TET3: variants seen among roughly 807,000 people sequenced by gnomAD.
The protein encoded by TET3 is tet methylcytosine dioxygenase 3.
A neutral mutation model predicts 141.4 loss-of-function variants in TET3; 19 were observed. The observed-to-expected ratio is 0.13, with a 90% CI of 0.09 to 0.20. The LOEUF is 0.20. Ranked by LOEUF, TET3 falls within the 10% of genes least tolerant of loss-of-function variation. The pLI is 1.00. For synonymous variants in TET3, 1,043 were observed against 980.9 expected (o/e 1.06, Z -1.18); for missense variants, 1,874 against 2,356.9 (o/e 0.80, Z 4.24).
chr2:73,983,993 GAGAACGGGC>G, upstream of TET3, among the ~76,000 whole-genome samples: 1 of 152,268 alleles, frequency 6.6e-6, no homozygotes, highest in Non-Finnish European at 1.5e-5. Context: ...AAGCAGCAGA[GAGAACGGGC>G]AGTTTGGCAA....
chr2:74,061,017 A>G (rs1021556750), intron 4 of TET3, among the ~76,000 whole-genome samples: 4 of 151,902 alleles, frequency 2.6e-5, no homozygotes, highest in Non-Finnish European at 5.9e-5. Context: ...CCCGTTCTCA[A>G]TGAGCTGTTG....
At chr2:74,040,899 A>G (rs959679558) in intron 3 of TET3, among the ~76,000 whole-genome samples, 5 of 152,088 alleles carry the variant, frequency 3.3e-5, no homozygotes, top group African/African-American at 1.2e-4. Context: ...CCCTGTCTCA[A>G]AAAAAGGAGC....
chr2:74,101,505 A>T lies in TET3; in HGVS notation c.4717A>T (p.Ser1573Cys), dbSNP rs778482892. 1.2e-5 allele frequency: 19 copies of T among 1,612,814 alleles called. No individual in the cohort carries two copies. In the African/African-American group the frequency reaches 2.5e-4, roughly 22 times the overall value. The change falls in exon 12 of 12, where the codon AGC becomes TGC. Residue 1573 changes from serine to cysteine, a missense_variant. By Grantham distance (112) the Ser-to-Cys change is moderately radical. Around this residue, in one of 10 missense-constraint regions of TET3, gnomAD observed 602 missense variants for 590.2 expected, o/e 1.02. Coordinates refer to ENST00000409262, the MANE Select transcript of TET3 (RefSeq NM_001287491.2). This position sits in a 1 kb window ranked among gnomAD's most constrained non-coding sequence, Gnocchi z 8.5. Reference sequence around the variant, plus strand: ...GGGCAGGATTCCAGCCGCAGGGGCCAGCCAGCTGGACAGGGCCTGGCAGTC... The same window carrying T: ...GGGCAGGATTCCAGCCGCAGGGGCCTGCCAGCTGGACAGGGCCTGGCAGTC... ...EEGRIPAAGA[S>C]QLDRAWQSFG...
Position 74,101,612 on chromosome 2 carries a change from G to A in TET3, c.4824G>A (p.Leu1608=). 2 of 1,612,576 alleles carry A rather than the reference G, an allele frequency of 1.2e-6. No individual in the cohort carries two copies. Among genetic ancestry groups the A allele is most frequent in the Middle Eastern group, 1.7e-4 (1 of 6,034 alleles). Residue 1608 remains leucine, a synonymous_variant, in exon 12 of 12, where the codon CTG becomes CTA. Coordinates refer to ENST00000409262, the MANE Select transcript of TET3 (RefSeq NM_001287491.2). The surrounding 1 kb of genome is among the most constrained non-coding windows in gnomAD (Gnocchi z 8.5). Reference sequence around the variant, plus strand: ...AGAAGCTGTGGGACCCCTTCAGCCTGGAGGAGGGGCCGGCTGAGGAGCCCC... The same window carrying A: ...AGAAGCTGTGGGACCCCTTCAGCCTAGAGGAGGGGCCGGCTGAGGAGCCCC... ...SEEKLWDPFS[L]EEGPAEEPPS... is the part of the protein sequence containing the mutation.
At chr2:73,984,161 T>C (rs1269334976), upstream of TET3, among the ~76,000 whole-genome samples, 1 of 152,198 alleles carries the variant, frequency 6.6e-6, no homozygotes, top group East Asian at 1.9e-4. This position sits in a 1 kb window ranked among gnomAD's most constrained non-coding sequence, Gnocchi z 5.6. Flanking sequence ...GCTGTCCTCC[T>C]CAGTTACCCT....
At chr2:74,020,079 T>C (rs1685954413) in intron 3 of TET3, among the ~76,000 whole-genome samples, 1 of 152,204 alleles carries the variant, frequency 6.6e-6, no homozygotes, top group Non-Finnish European at 1.5e-5. Context: ...GTAGTGCCTT[T>C]CTTTTTTCTT....
At chr2:74,084,745 A>G (rs1402429471) in intron 6 of TET3, among the ~76,000 whole-genome samples, 3 of 152,002 alleles carry the variant, frequency 2.0e-5, no homozygotes, top group East Asian at 1.9e-4. Context: ...GAGCTAACGC[A>G]CCCAGCCCAG....
chr2:73,992,573 G>T (rs1005028365), intron 2 of TET3, among the ~76,000 whole-genome samples: 3 of 152,000 alleles, frequency 2.0e-5, no homozygotes, highest in African/African-American at 7.2e-5. Flanking sequence ...CTTGGCCTCC[G>T]AAAGTGCTGG....
chr2:74,035,217 A>G (rs1366572507), intron 3 of TET3, among the ~76,000 whole-genome samples: 1 of 148,014 alleles, frequency 6.8e-6, no homozygotes, highest in African/African-American at 2.5e-5. Flanking sequence ...AAAAAAAAAA[A>G]AAAAGTTATT....
chr2:74,080,148 A>G (rs1349190595), intron 5 of TET3, among the ~76,000 whole-genome samples: 1 of 152,228 alleles, frequency 6.6e-6, no homozygotes, highest in Non-Finnish European at 1.5e-5. Flanking sequence ...GACTCAGCTA[A>G]CAGGGCTGGA....
At chr2:74,127,529 T>A in the TET3 span, among the ~76,000 whole-genome samples, 1 of 152,132 alleles carries the variant, frequency 6.6e-6, no homozygotes, top group Non-Finnish European at 1.5e-5. Flanking sequence ...ACCAAACGAA[T>A]TGGAGACAGA....
intron 4 of TET3, among the ~76,000 whole-genome samples, chr2:74,068,712 C>T (rs905544146): frequency 2.0e-5 from 3 of 152,312 alleles, no homozygotes; most frequent in East Asian, 1.9e-4. Context: ...ATTCTTTATA[C>T]TGCCTGTATC....
chr2:74,068,635 T>A lies in TET3; in HGVS notation c.2495-4914T>A, dbSNP rs138702497. On this transcript the variant is annotated intron_variant, in intron 4 of 11. Coordinates refer to ENST00000409262, the MANE Select transcript of TET3 (RefSeq NM_001287491.2). ...CCTAGAAATAAATTTTTTGAGGAATTTGAAATTCTTTGAAATTGCTAATTC... is the reference window on the plus strand; with the variant it reads ...CCTAGAAATAAATTTTTTGAGGAATATGAAATTCTTTGAAATTGCTAATTC... 9.8e-4 allele frequency among the ~76,000 whole-genome samples: 150 copies of A among 152,388 alleles called. 2 individuals are homozygous for A. In the East Asian group the frequency reaches 0.026, roughly 27 times the overall value.
At chr2:74,024,351 G>A (rs908533573) in intron 3 of TET3, among the ~76,000 whole-genome samples, 1 of 152,228 alleles carries the variant, frequency 6.6e-6, no homozygotes, top group African/African-American at 2.4e-5. Flanking sequence ...CATGACAGGG[G>A]CTGTCTGTGC....
At position 74,101,139 on chromosome 2, in the gene TET3, G is replaced by A. The variant is rs748146735; in HGVS notation, c.4351G>A (p.Gly1451Ser). 1.6e-5 allele frequency: 26 copies of A among 1,613,692 alleles called. No individual in the cohort carries two copies. Among genetic ancestry groups the A allele is most frequent in the South Asian group, 1.3e-4 (12 of 91,036 alleles). ...GPSMSPKRTN[G>S]VGGSWGVFSS... ...AAGCATGTCCCCCAAGAGGACTAAC[G>A]GTGTGGGTGGCAGCTGGGGTGTGTT... Residue 1451 changes from glycine (G) to serine (S), a missense_variant, in exon 12 of 12, where the codon GGT becomes AGT. Coordinates refer to ENST00000409262, the MANE Select transcript of TET3 (RefSeq NM_001287491.2). The surrounding 1 kb of genome is among the most constrained non-coding windows in gnomAD (Gnocchi z 8.5).
chr2:74,076,029 G>A (rs928874725), intron 5 of TET3, among the ~76,000 whole-genome samples: 1 of 152,090 alleles, frequency 6.6e-6, no homozygotes, highest in African/African-American at 2.4e-5. Flanking sequence ...TTTTGTTCTG[G>A]GGTATTTTGG....
chr2:74,048,460 G>A (rs1573786015), intron 4 of TET3, 49 bp downstream of exon 4: 1 of 1,522,932 alleles, frequency 6.6e-7, no homozygotes, highest in Non-Finnish European at 8.8e-7. Context: ...GCTGTGGCCT[G>A]GTGAGCTAGG....
intron 2 of TET3, among the ~76,000 whole-genome samples, chr2:73,997,268 A>G (rs879446354): frequency 1.3e-5 from 2 of 152,230 alleles, no homozygotes; most frequent in Non-Finnish European, 2.9e-5. Flanking sequence ...ATATTAGACT[A>G]GAGTCTGCTC....
chr2:74,129,819 T>A, the TET3 span, among the ~76,000 whole-genome samples: 1 of 151,170 alleles, frequency 6.6e-6, no homozygotes, highest in Non-Finnish European at 1.5e-5. Flanking sequence ...TTAGGCCAGG[T>A]GCAGTGGCTC....
Sources: allele counts gnomAD v4.1 joint callset (sites outside exome capture counted in the v4.1 genomes callset), GRCh38; gene constraint gnomAD v4.1.1; regional missense constraint gnomAD v4.1.1; non-coding constraint Gnocchi (gnomAD v3.1); transcripts MANE v1.5; gene names NCBI Gene and HGNC (gene_info 2026-07-23, HGNC 2026-07-21).